Variants in FURIN observed in about 807,000 individuals in gnomAD.
FURIN encodes the protein FES upstream region.
In FURIN, 18 loss-of-function variants were observed where a neutral mutation model predicts 89.2. That is an observed-to-expected ratio of 0.20 (90% confidence interval 0.14 to 0.30). The LOEUF (loss-of-function observed/expected upper bound fraction) is 0.30, where lower values mean the gene tolerates loss of function less well. FURIN is among the 10% of genes least tolerant of loss of function. FURIN has a pLI of 1.00. For synonymous variants in FURIN, 508 were observed against 466.4 expected (o/e 1.09, Z -1.15); for missense variants, 879 against 1,100.5 (o/e 0.80, Z 2.85).
Position 90,882,243 on chromosome 15 carries a change from A to C in FURIN, c.*365A>C. 3 of 258,702 alleles carry C rather than the reference A, an allele frequency of 1.2e-5. No individual in the cohort carries two copies. Among genetic ancestry groups the C allele is most frequent in the African/African-American group, 2.3e-5 (1 of 43,240 alleles). The allele number at this position is 258,702 out of a possible 1,614,324, so 16.0% of individuals were successfully genotyped here. A position where few individuals can be genotyped will look rare whatever the true frequency, so the allele number is the denominator to read the frequency against. On this transcript the variant is annotated 3_prime_UTR_variant, in exon 16 of 16. Coordinates refer to ENST00000268171, the MANE Select transcript of FURIN (RefSeq NM_002569.4). The stretch of plus-strand genomic sequence containing the variant: ...GCTCTTGCCCTTCCCTGTCCCTCTA[A>C]AGCAATAATGGTCCCATCCAGGCAG...
At chr15:90,880,381 TG>T in intron 13 of FURIN, 108 bp downstream of exon 13, 1 of 902,906 alleles carries the variant, frequency 1.1e-6, no homozygotes, top group Non-Finnish European at 1.6e-6. Flanking sequence ...TGCTACTCAG[TG>T]GGGCACTCTT....
Position 90,880,982 on chromosome 15 carries a change from G to T in FURIN, c.1734G>T (p.Leu578=), listed in dbSNP as rs758546867. The T allele has an allele frequency of 6.2e-7, 1 of 1,614,122 alleles. No individual in the cohort carries two copies. Among genetic ancestry groups the T allele is most frequent in the East Asian group, 2.2e-5 (1 of 44,884 alleles). Residue 578 remains leucine, a synonymous_variant, in exon 15 of 16, where the codon CTG becomes CTT. Transcript: ENST00000268171. ...LVLYGTAPEG[L]PVPPESSGCK... is the part of the protein sequence containing the mutation. ...TCTATGGCACCGCCCCTGAGGGGCTGCCCGTACCTCCAGAAAGCAGTGGCT... is the reference window on the plus strand; with the variant it reads ...TCTATGGCACCGCCCCTGAGGGGCTTCCCGTACCTCCAGAAAGCAGTGGCT...
At position 90,880,724 on chromosome 15, in the gene FURIN, C is replaced by T. The variant is rs781602333; in HGVS notation, c.1590C>T (p.Asp530=). The part of the protein sequence containing the change: ...PHDYSADGFN[D]WAFMTTHSWD... ...ACTACTCCGCAGATGGGTTTAATGACTGGGCCTTCATGACAACTCATTCCT... is the reference window on the plus strand; with the variant it reads ...ACTACTCCGCAGATGGGTTTAATGATTGGGCCTTCATGACAACTCATTCCT... The change falls in exon 14 of 16, where the codon GAC becomes GAT. Residue 530 remains aspartate (D), a synonymous_variant. Coordinates refer to ENST00000268171, the MANE Select transcript of FURIN (RefSeq NM_002569.4). The T allele has an allele frequency of 3.1e-6, 5 of 1,613,934 alleles. No individual in the cohort carries two copies. Among genetic ancestry groups the T allele is most frequent in the Admixed American group, 1.7e-5 (1 of 59,978 alleles).
chr15:90,881,406 C>T lies in FURIN; in HGVS notation c.1913C>T (p.Ala638Val), dbSNP rs375634274. Residue 638 changes from alanine to valine, a missense_variant, in exon 16 of 16, where the codon GCC (alanine) becomes GTC (valine). Physicochemically the swap from Ala to Val is moderately conservative, Grantham distance 64. This residue lies in a region of FURIN where 457 missense variants were observed against 490.7 expected (regional missense o/e 0.93). Transcript: ENST00000268171. The surrounding 1 kb of genome is among the most constrained non-coding windows in gnomAD (Gnocchi z 4.3). Reference sequence around the variant, plus strand: ...GAGAATGACGTGGAGACCATCCGGGCCAGCGTCTGCGCCCCCTGCCACGCC... The same window carrying T: ...GAGAATGACGTGGAGACCATCCGGGTCAGCGTCTGCGCCCCCTGCCACGCC... ...STENDVETIR[A>V]SVCAPCHASC... The T allele has an allele frequency of 5.2e-5, 84 of 1,612,654 alleles. No individual in the cohort carries two copies. Among genetic ancestry groups the T allele is most frequent in the Non-Finnish European group, 6.7e-5 (79 of 1,179,952 alleles).
In FURIN at chr15:90,881,409, G is replaced by C. The variant is rs763854810; in HGVS notation, c.1916G>C (p.Ser639Thr). The C allele has an allele frequency of 4.3e-6, 7 of 1,612,706 alleles. No individual in the cohort carries two copies. The Admixed American group carries it at 1.0e-4, about 23-fold the overall frequency. The change falls in exon 16 of 16, where the codon AGC (serine) becomes ACC (threonine). Residue 639 changes from serine to threonine, a missense_variant. Ser to Thr is a moderately conservative substitution (Grantham distance 58, BLOSUM62 1). Coordinates refer to ENST00000268171, the MANE Select transcript of FURIN (RefSeq NM_002569.4). The surrounding 1 kb of genome is among the most constrained non-coding windows in gnomAD (Gnocchi z 4.3). ...AATGACGTGGAGACCATCCGGGCCA[G>C]CGTCTGCGCCCCCTGCCACGCCTCA... ...TENDVETIRA[S>T]VCAPCHASCA...
chr15:90,876,813 G>C lies in FURIN; in HGVS notation c.373-83G>C. 1.4e-6 allele frequency: 2 copies of C among 1,472,286 alleles called. No homozygotes were observed. The highest frequency in any genetic ancestry group is 1.7e-5 in the Admixed American group (1 of 57,420). The allele number at this position is 1,472,286 out of a possible 1,614,324, so 91.2% of individuals were successfully genotyped here. ...GGGATGGTACAGGAGGAGGTTTTACGGGGGCAAAGGGATTCTTCAAGATGC... is the reference window on the plus strand; with the variant it reads ...GGGATGGTACAGGAGGAGGTTTTACCGGGGCAAAGGGATTCTTCAAGATGC... On this transcript the variant is annotated intron_variant, in intron 4 of 15. Coordinates refer to ENST00000268171, the MANE Select transcript of FURIN (RefSeq NM_002569.4). This position sits in a 1 kb window ranked among gnomAD's most constrained non-coding sequence, Gnocchi z 5.0.
rs533134812 is a variant in FURIN at position 90,881,227 on chromosome 15, G to T, written c.1793-59G>T. On this transcript the variant is annotated intron_variant, in intron 15 of 15. Coordinates refer to ENST00000268171, the MANE Select transcript of FURIN (RefSeq NM_002569.4). The surrounding 1 kb of genome is among the most constrained non-coding windows in gnomAD (Gnocchi z 4.3). The stretch of plus-strand genomic sequence containing the variant: ...GGTGACTTGGCTTGGGGCTGCTGTG[G>T]TCCTGGGGCTACAGTCTGTTTAGCT... 28 of 1,386,186 alleles carry T rather than the reference G, an allele frequency of 2.0e-5. 1 individual carries two copies. In the South Asian group the frequency reaches 3.6e-4, roughly 18 times the overall value. The allele number at this position is 1,386,186 out of a possible 1,614,324, so 85.9% of individuals were successfully genotyped here.
intron 1 of FURIN, among the ~76,000 whole-genome samples, chr15:90,870,969 C>T (rs980618632): frequency 6.6e-6 from 1 of 152,194 alleles, no homozygotes; most frequent in African/African-American, 2.4e-5. Context: ...GAAAAAAAAG[C>T]TAAAAATATT....
At chr15:90,879,818 G>T (rs1028562658) in intron 11 of FURIN, 44 bp downstream of exon 11, 1 of 1,601,956 alleles carries the variant, frequency 6.2e-7, no homozygotes. Flanking sequence ...GAGTTAGGTA[G>T]AAGGCACTCT....
chr15:90,875,374 TGGG>T (rs949070089), intron 1 of FURIN, among the ~76,000 whole-genome samples: 2 of 152,046 alleles, frequency 1.3e-5, no homozygotes, highest in Non-Finnish European at 2.9e-5. Flanking sequence ...GAGAAAGGAT[TGGG>T]GGGGATTGTG....
Position 90,881,175 on chromosome 15 carries a change from C to T in FURIN, c.1793-111C>T. The T allele has an allele frequency of 9.0e-7, 1 of 1,107,938 alleles. No homozygotes were observed. Among genetic ancestry groups the T allele is most frequent in the Non-Finnish European group, 1.3e-6 (1 of 752,628 alleles). The allele number at this position is 1,107,938 out of a possible 1,614,324, so 68.6% of individuals were successfully genotyped here. On this transcript the variant is annotated intron_variant, in intron 15 of 15. Coordinates refer to ENST00000268171, the MANE Select transcript of FURIN (RefSeq NM_002569.4). This position sits in a 1 kb window ranked among gnomAD's most constrained non-coding sequence, Gnocchi z 4.3. ...CTGGGGCTCTTGGGATGACCACAGT[C>T]CTGGGGCTGGAGGATCCTGGGGATG...
chr15:90,869,132 C>T (rs557193853), intron 1 of FURIN, among the ~76,000 whole-genome samples: 1 of 152,272 alleles, frequency 6.6e-6, no homozygotes, highest in East Asian at 1.9e-4. Flanking sequence ...CTCTTCCTCC[C>T]AGAGCCCTGC....
chr15:90,877,055 C>G, intron 5 of FURIN, 31 bp downstream of exon 5: 1 of 1,613,614 alleles, frequency 6.2e-7, no homozygotes, highest in Non-Finnish European at 8.5e-7. Context: ...GGCCGTGATC[C>G]CTGCTGAGGT....
intron 9 of FURIN, 116 bp downstream of exon 9, chr15:90,879,092 C>T (rs1275360194): frequency 5.9e-6 from 4 of 680,504 alleles, no homozygotes; most frequent in African/African-American, 3.6e-5. Flanking sequence ...GATAGTGGCT[C>T]AGGCATCATG....
chr15:90,877,749 G>C (rs2031716944), intron 7 of FURIN, 134 bp downstream of exon 7: 2 of 667,198 alleles, frequency 3.0e-6, no homozygotes, highest in Non-Finnish European at 2.5e-6. Context: ...TCCATGGAGG[G>C]TTCCCAAAGG....
At chr15:90,877,489 C>T (rs200610592) in intron 6 of FURIN, 38 bp from the exon 7 acceptor site, 3 of 1,504,476 alleles carry the variant, frequency 2.0e-6, no homozygotes, top group African/African-American at 2.8e-5. Context: ...CTGTTCACCC[C>T]ATTTGTTCTA....
chr15:90,869,747 G>C (rs907839400), intron 1 of FURIN, among the ~76,000 whole-genome samples: 1 of 152,200 alleles, frequency 6.6e-6, no homozygotes. Context: ...GGCTCCCCTG[G>C]GGCCAGTCTC....
Position 90,876,657 on chromosome 15 carries a change from A to AT in FURIN, c.372+102dup. 2.3e-6 allele frequency: 2 copies of AT among 883,476 alleles called. No individual in the cohort carries two copies. The highest frequency in any genetic ancestry group is 3.7e-6 in the Non-Finnish European group (2 of 536,830). The allele number at this position is 883,476 out of a possible 1,614,324, so 54.7% of individuals were successfully genotyped here. ...GAGGCTGTCTTCGAGGCCTCCTCTGATTCGTTTCCTTTCCTCCTGCTGGGC... is the reference window on the plus strand; with the variant it reads ...GAGGCTGTCTTCGAGGCCTCCTCTGATTTCGTTTCCTTTCCTCCTGCTGGGC... On this transcript the variant is annotated intron_variant, in intron 4 of 15. Coordinates refer to ENST00000268171, the MANE Select transcript of FURIN (RefSeq NM_002569.4). This position sits in a 1 kb window ranked among gnomAD's most constrained non-coding sequence, Gnocchi z 5.0.
Position 90,879,095 on chromosome 15 carries a change from G to A in FURIN, c.1053+119G>A, listed in dbSNP as rs560035806. The A allele has an allele frequency of 5.4e-5, 36 of 670,014 alleles. No homozygotes were observed. In the East Asian group the frequency reaches 9.3e-4, roughly 17 times the overall value. The allele number at this position is 670,014 out of a possible 1,614,324, so 41.5% of individuals were successfully genotyped here. A position where few individuals can be genotyped will look rare whatever the true frequency, so the allele number is the denominator to read the frequency against. ...ATGTGGCTGGGTGATAGTGGCTCAG[G>A]CATCATGCAACATGAACTCTGGGGC... On this transcript the variant is annotated intron_variant, in intron 9 of 15. Coordinates refer to ENST00000268171, the MANE Select transcript of FURIN (RefSeq NM_002569.4).
Sources: allele counts gnomAD v4.1 joint callset (sites outside exome capture counted in the v4.1 genomes callset), GRCh38; gene constraint gnomAD v4.1.1; regional missense constraint gnomAD v4.1.1; non-coding constraint Gnocchi (gnomAD v3.1); transcripts MANE v1.5; gene names NCBI Gene and HGNC (gene_info 2026-07-23, HGNC 2026-07-21).